Variants in ROR1 observed in about 807,000 individuals in gnomAD.
The protein encoded by ROR1 is ROR family WNT receptor 1.
ROR1 carries 19 observed loss-of-function variants against 78.8 expected under a neutral mutation model. The observed-to-expected ratio is 0.24, with a 90% confidence interval of 0.17 to 0.35. ROR1 has a LOEUF of 0.35. Ranked by LOEUF, ROR1 falls within the 10% of genes least tolerant of loss-of-function variation. The pLI, the probability that ROR1 is intolerant of heterozygous loss-of-function variation, is 1.00. For synonymous variants in ROR1, 386 were observed against 433.6 expected (o/e 0.89, Z 1.36); for missense variants, 917 against 1,177.8 (o/e 0.78, Z 3.24).
intron 1 of ROR1, among the ~76,000 whole-genome samples, chr1:63,819,514 T>C (rs544745491): frequency 6.6e-6 from 1 of 152,054 alleles, no homozygotes; most frequent in Non-Finnish European, 1.5e-5. Context: ...GTGAGGGAGA[T>C]GGAAAAAAGG....
chr1:64,023,492 C>T (rs1275440849), intron 2 of ROR1, among the ~76,000 whole-genome samples: 6 of 152,150 alleles, frequency 3.9e-5, no homozygotes, highest in Non-Finnish European at 8.8e-5. Flanking sequence ...GTCACCTGTA[C>T]TGTTTATTGC....
intron 4 of ROR1, among the ~76,000 whole-genome samples, chr1:64,100,403 G>A (rs751670661): frequency 3.6e-4 from 54 of 151,982 alleles, no homozygotes; most frequent in Non-Finnish European, 6.3e-4. Flanking sequence ...TGGGAGGATC[G>A]CTTGAACCCA....
intron 1 of ROR1, among the ~76,000 whole-genome samples, chr1:63,965,376 C>T (rs1393241242): frequency 6.6e-6 from 1 of 152,188 alleles, no homozygotes; most frequent in African/African-American, 2.4e-5. Context: ...GTTGCCAGTA[C>T]TAACTGGTTA....
intron 4 of ROR1, among the ~76,000 whole-genome samples, chr1:64,109,606 C>G (rs553853461): frequency 5.4e-4 from 82 of 152,250 alleles, no homozygotes; most frequent in African/African-American, 1.9e-3. Flanking sequence ...CGGCTCACTG[C>G]GACCTCAACC....
chr1:63,970,642 A>G (rs1216464782), intron 1 of ROR1, among the ~76,000 whole-genome samples: 2 of 152,238 alleles, frequency 1.3e-5, no homozygotes, highest in Non-Finnish European at 1.5e-5. Flanking sequence ...GCTGTCTAAG[A>G]TTCTGATTAG....
chr1:63,966,487 G>A (rs1484399858), intron 1 of ROR1, among the ~76,000 whole-genome samples: 10 of 152,186 alleles, frequency 6.6e-5, no homozygotes, highest in African/African-American at 2.4e-4. Flanking sequence ...GGTACTAGAA[G>A]TATGATCTAT....
At chr1:64,138,481 G>A (rs543960745) in intron 5 of ROR1, among the ~76,000 whole-genome samples, 1 of 152,094 alleles carries the variant, frequency 6.6e-6, no homozygotes, top group Non-Finnish European at 1.5e-5. Flanking sequence ...GAAGCTATGT[G>A]GAAGCTATGT....
chr1:63,894,743 A>G (rs1292525080), intron 1 of ROR1, among the ~76,000 whole-genome samples: 2 of 152,170 alleles, frequency 1.3e-5, no homozygotes, highest in Non-Finnish European at 2.9e-5. Flanking sequence ...GCAAAGTGAG[A>G]AAGACGAAAC....
intron 2 of ROR1, among the ~76,000 whole-genome samples, chr1:64,022,715 G>A (rs1024958093): frequency 2.0e-5 from 3 of 152,124 alleles, no homozygotes; most frequent in African/African-American, 4.8e-5. Flanking sequence ...GTTGTGCTTC[G>A]TAAAATGTAA....
chr1:63,968,358 A>G (rs1040229580), intron 1 of ROR1, among the ~76,000 whole-genome samples: 5 of 152,178 alleles, frequency 3.3e-5, no homozygotes, highest in African/African-American at 9.7e-5. Flanking sequence ...CACCTCAGCT[A>G]TTTAGAACAG....
chr1:64,096,231 T>A lies in ROR1; in HGVS notation c.483-41138T>A, dbSNP rs761485226. ...TATTTGAAATAAAGTCTTTTTTTTTTAATTTTTTACTTTAAATTTCAGGGG... is the reference window on the plus strand; with the variant it reads ...TATTTGAAATAAAGTCTTTTTTTTTAAATTTTTTACTTTAAATTTCAGGGG... On this transcript the variant is annotated intron_variant, in intron 4 of 8. Transcript: ENST00000371079. Among the ~76,000 whole-genome samples, 19 of 152,298 alleles carry A rather than the reference T, an allele frequency of 1.2e-4. 1 individual carries two copies. The highest frequency in any genetic ancestry group is 1.9e-4 in the East Asian group (1 of 5,188).
intron 4 of ROR1, among the ~76,000 whole-genome samples, chr1:64,102,335 G>A (rs1028443766): frequency 6.6e-6 from 1 of 152,190 alleles, no homozygotes; most frequent in East Asian, 1.9e-4. Context: ...ATCCCTGTCA[G>A]TGTGAGGCAA....
At chr1:63,833,528 G>A (rs908614761) in intron 1 of ROR1, among the ~76,000 whole-genome samples, 2 of 152,220 alleles carry the variant, frequency 1.3e-5, no homozygotes. Context: ...CCAGGGTTCT[G>A]GCTAGCTCGG....
At chr1:64,007,018 C>T (rs1298743971) in intron 1 of ROR1, among the ~76,000 whole-genome samples, 1 of 151,218 alleles carries the variant, frequency 6.6e-6, no homozygotes, top group East Asian at 1.9e-4. Flanking sequence ...AAGGTGAGGC[C>T]AGAGGTAAGG....
At chr1:63,889,902 G>A (rs1377563692) in intron 1 of ROR1, among the ~76,000 whole-genome samples, 1 of 152,078 alleles carries the variant, frequency 6.6e-6, no homozygotes, top group African/African-American at 2.4e-5. Flanking sequence ...TGAGATCCAA[G>A]AAGGATACTA....
At chr1:64,069,401 C>T (rs986343750) in intron 4 of ROR1, among the ~76,000 whole-genome samples, 5 of 152,104 alleles carry the variant, frequency 3.3e-5, no homozygotes, top group African/African-American at 9.7e-5. Flanking sequence ...CACAATAGTA[C>T]ATGTTTGAAT....
At chr1:63,789,358 C>A in intron 1 of ROR1, 2 of 390,482 alleles carry the variant, frequency 5.1e-6, no homozygotes, top group East Asian at 1.1e-4. Context: ...TTGATTCCTC[C>A]CATTAAGTGG....
intron 1 of ROR1, among the ~76,000 whole-genome samples, chr1:63,973,912 T>G (rs1205461890): frequency 6.6e-6 from 1 of 152,204 alleles, no homozygotes; most frequent in Non-Finnish European, 1.5e-5. Flanking sequence ...TATCACTGTT[T>G]GCAATTATTT....
At chr1:63,990,496 G>GGATATTTCT (rs11283333) in intron 1 of ROR1, among the ~76,000 whole-genome samples, 1 of 151,478 alleles carries the variant, frequency 6.6e-6, no homozygotes. Flanking sequence ...AAAGAATTCT[G>GGATATTTCT]GATTTACATG....
Sources: allele counts gnomAD v4.1 joint callset (sites outside exome capture counted in the v4.1 genomes callset), GRCh38; gene constraint gnomAD v4.1.1; transcripts MANE v1.5; gene names NCBI Gene and HGNC (gene_info 2026-07-23, HGNC 2026-07-21).